Variants in DCDC2C observed in about 807,000 individuals in gnomAD.
DCDC2C encodes the protein doublecortin domain containing 2C.
Under a neutral mutation model 45.0 loss-of-function variants are expected in DCDC2C, and 44 were observed. The ratio of observed to expected loss-of-function variants is 0.98; its 90% CI spans 0.77 to 1.26. The LOEUF (loss-of-function observed/expected upper bound fraction) is 1.26, where lower values mean the gene tolerates loss of function less well. DCDC2C is among the 50% of genes most tolerant of loss of function. DCDC2C has a pLI of 0.00. For missense variants in DCDC2C, 447 were observed against 468.9 expected, an observed-to-expected ratio of 0.95 and a Z score of 0.43; for synonymous variants, 187 against 178.8, an observed-to-expected ratio of 1.05 and a Z score of -0.37.
chr2:3,746,575 C>T (rs1669368586), intron 4 of DCDC2C, among the ~76,000 whole-genome samples: 1 of 152,236 alleles, frequency 6.6e-6, no homozygotes, highest in Non-Finnish European at 1.5e-5. Context: ...GATCTCCACT[C>T]TCCGTTTTCA....
chr2:3,810,884 G>T (rs1012661509), intron 10 of DCDC2C, among the ~76,000 whole-genome samples: 24 of 152,102 alleles, frequency 1.6e-4, no homozygotes, highest in Non-Finnish European at 5.9e-5. Context: ...AAGATCAGAT[G>T]GTTGTAGACA....
intron 10 of DCDC2C, among the ~76,000 whole-genome samples, chr2:3,828,110 T>C (rs1671870530): frequency 6.6e-6 from 1 of 152,234 alleles, no homozygotes; most frequent in African/African-American, 2.4e-5. Flanking sequence ...AAAACATACA[T>C]GGAACCATCT....
At chr2:3,755,236 T>C (rs1037145313) in intron 6 of DCDC2C, among the ~76,000 whole-genome samples, 1 of 151,906 alleles carries the variant, frequency 6.6e-6, no homozygotes, top group African/African-American at 2.4e-5. Context: ...ATGATGTGTA[T>C]ATGATGTGCA....
intron 10 of DCDC2C, among the ~76,000 whole-genome samples, chr2:3,842,990 C>T (rs1672251835): frequency 6.6e-6 from 1 of 152,182 alleles, no homozygotes; most frequent in Non-Finnish European, 1.5e-5. Flanking sequence ...CTTTGGTGGT[C>T]ACCTGGCCAT....
chr2:3,837,100 G>A (rs761794690), intron 10 of DCDC2C, among the ~76,000 whole-genome samples: 1 of 152,112 alleles, frequency 6.6e-6, no homozygotes, highest in Non-Finnish European at 1.5e-5. Context: ...GGGCCCTCCT[G>A]CTGGACCCCT....
intron 8 of DCDC2C, among the ~76,000 whole-genome samples, chr2:3,771,486 G>A (rs1259458122): frequency 6.6e-6 from 1 of 150,522 alleles, no homozygotes; most frequent in Non-Finnish European, 1.5e-5. Context: ...GGGAATCACG[G>A]TGCACATGAG....
chr2:3,743,007 T>C (rs1212638322), intron 4 of DCDC2C, among the ~76,000 whole-genome samples: 3 of 152,118 alleles, frequency 2.0e-5, no homozygotes, highest in Non-Finnish European at 4.4e-5. Context: ...ATAATCTGGG[T>C]TGGCCTTCAG....
At chr2:3,812,983 TA>T (rs1671443051) in intron 10 of DCDC2C, among the ~76,000 whole-genome samples, 1 of 151,304 alleles carries the variant, frequency 6.6e-6, no homozygotes, top group South Asian at 2.1e-4. Context: ...CTGAGTGTTT[TA>T]CTTCCAATTA....
intron 8 of DCDC2C, among the ~76,000 whole-genome samples, chr2:3,776,345 A>C (rs1332133174): frequency 2.6e-5 from 4 of 151,848 alleles, no homozygotes; most frequent in Non-Finnish European, 4.4e-5. Flanking sequence ...GTGTCTCCTC[A>C]CTTTCTCCAT....
At chr2:3,751,133 G>A (rs1352184575) in intron 4 of DCDC2C, among the ~76,000 whole-genome samples, 1 of 152,152 alleles carries the variant, frequency 6.6e-6, no homozygotes, top group Non-Finnish European at 1.5e-5. Context: ...TTTCATATTT[G>A]TATGTGAATT....
intron 10 of DCDC2C, among the ~76,000 whole-genome samples, chr2:3,842,082 T>G (rs1333716370): frequency 6.6e-6 from 1 of 152,156 alleles, no homozygotes; most frequent in Non-Finnish European, 1.5e-5. Flanking sequence ...AGGACTCATG[T>G]GCTATTAATC....
At chr2:3,756,396 G>A (rs1356945371) in intron 6 of DCDC2C, among the ~76,000 whole-genome samples, 5 of 152,154 alleles carry the variant, frequency 3.3e-5, no homozygotes, top group Admixed American at 6.5e-5. Flanking sequence ...TTTGAGGGTC[G>A]GCATTGTCCT....
At chr2:3,789,736 T>C (rs1203912997) in intron 10 of DCDC2C, among the ~76,000 whole-genome samples, 1 of 152,236 alleles carries the variant, frequency 6.6e-6, no homozygotes, top group African/African-American at 2.4e-5. Context: ...GCTCAGAATT[T>C]CTTAACTAAC....
At chr2:3,845,022 T>C (rs1672294851) in intron 10 of DCDC2C, among the ~76,000 whole-genome samples, 2 of 152,220 alleles carry the variant, frequency 1.3e-5, no homozygotes, top group Admixed American at 6.5e-5. Context: ...TTTGCCGATA[T>C]AGGTATATAT....
chr2:3,766,835 G>C (rs4849925), intron 6 of DCDC2C, among the ~76,000 whole-genome samples: 30,024 of 152,190 alleles, frequency 0.2, 3,282 homozygotes, highest in Admixed American at 0.29. Flanking sequence ...TGGGATAGAA[G>C]TGTAATGGTG....
chr2:3,843,691 G>A (rs1213007845), intron 10 of DCDC2C, among the ~76,000 whole-genome samples: 1 of 152,288 alleles, frequency 6.6e-6, no homozygotes, highest in East Asian at 1.9e-4. Flanking sequence ...CCTGCACTCT[G>A]ATTTCTTTCT....
At chr2:3,794,088 A>G (rs1283115782) in intron 10 of DCDC2C, among the ~76,000 whole-genome samples, 1 of 152,218 alleles carries the variant, frequency 6.6e-6, no homozygotes, top group Admixed American at 6.5e-5. Flanking sequence ...CTGTTACATT[A>G]AAATCTATTG....
chr2:3,718,085 C>T (rs73140879), intron 2 of DCDC2C, among the ~76,000 whole-genome samples: 127 of 152,314 alleles, frequency 8.3e-4, no homozygotes, highest in African/African-American at 2.8e-3. Flanking sequence ...CCCTCTGAGG[C>T]CAGGAGTGGT....
At chr2:3,736,413 G>A (rs1389928511) in intron 3 of DCDC2C, among the ~76,000 whole-genome samples, 2 of 152,210 alleles carry the variant, frequency 1.3e-5, no homozygotes, top group Non-Finnish European at 2.9e-5. Flanking sequence ...CCTAAGGGTA[G>A]GATGCGTTGC....
Sources: gnomAD v4.1 joint callset for allele counts (sites outside exome capture counted in the v4.1 genomes callset) on GRCh38, gnomAD v4.1.1 for gene constraint, MANE v1.5 for transcripts, NCBI Gene and HGNC (gene_info 2026-07-23, HGNC 2026-07-21) for gene names.